Variants in RNLS observed in about 807,000 individuals in gnomAD.
RNLS encodes the protein renalase, FAD dependent amine oxidase.
In RNLS, 39 loss-of-function variants were observed where a neutral mutation model predicts 39.8. The observed-to-expected ratio is 0.98, with a 90% CI of 0.76 to 1.28. RNLS has a LOEUF of 1.28. Ranked by LOEUF, RNLS falls within the 50% of genes most tolerant of loss-of-function variation. RNLS has a pLI of 0.00. For synonymous variants in RNLS, 147 were observed against 150.7 expected (o/e 0.98, Z 0.18); for missense variants, 410 against 413.3 (o/e 0.99, Z 0.07).
the RNLS span, among the ~76,000 whole-genome samples, chr10:88,189,523 G>C: frequency 6.6e-6 from 1 of 152,146 alleles, no homozygotes. Context: ...ATGAATCAGG[G>C]AGGGAGAGAG....
At chr10:88,496,302 GATTAT>G (rs1453814668) in intron 4 of RNLS, among the ~76,000 whole-genome samples, 7 of 152,102 alleles carry the variant, frequency 4.6e-5, no homozygotes, top group African/African-American at 1.7e-4. Flanking sequence ...TCCCTCAGGG[GATTAT>G]ATTATGAGAA....
At chr10:88,413,434 C>T (rs1004115376) in intron 4 of RNLS, among the ~76,000 whole-genome samples, 2 of 152,180 alleles carry the variant, frequency 1.3e-5, no homozygotes, top group Non-Finnish European at 2.9e-5. Flanking sequence ...CAAAGGACAG[C>T]GTGTTTCCCT....
intron 4 of RNLS, among the ~76,000 whole-genome samples, chr10:88,466,271 CA>C (rs2133957759): frequency 6.6e-6 from 1 of 151,958 alleles, no homozygotes; most frequent in East Asian, 1.9e-4. Flanking sequence ...CACCAATAAG[CA>C]AAAATAAAAA....
chr10:88,205,801 G>A, the RNLS span, among the ~76,000 whole-genome samples: 11 of 152,108 alleles, frequency 7.2e-5, no homozygotes, highest in Non-Finnish European at 1.6e-4. Flanking sequence ...TCTGCTTTGA[G>A]AATATCATGT....
the RNLS span, among the ~76,000 whole-genome samples, chr10:88,190,297 G>C: frequency 6.6e-6 from 1 of 152,144 alleles, no homozygotes; most frequent in Non-Finnish European, 1.5e-5. Flanking sequence ...TGATCTTGGC[G>C]ACCTGCCTGA....
At chr10:88,466,746 A>T (rs1843230438) in intron 4 of RNLS, among the ~76,000 whole-genome samples, 1 of 152,232 alleles carries the variant, frequency 6.6e-6, no homozygotes, top group Non-Finnish European at 1.5e-5. Context: ...ACATTTGGTA[A>T]TTTAAACATT....
At chr10:88,213,537 C>T in the RNLS span, among the ~76,000 whole-genome samples, 1 of 152,078 alleles carries the variant, frequency 6.6e-6, no homozygotes, top group Non-Finnish European at 1.5e-5. Context: ...AGATATAAAA[C>T]ATCTGTCTCC....
the RNLS span, among the ~76,000 whole-genome samples, chr10:88,237,212 C>G: frequency 6.7e-6 from 1 of 148,560 alleles, no homozygotes; most frequent in African/African-American, 2.5e-5. Context: ...TATGTAGACA[C>G]TTTGAGTCCC....
the RNLS span, among the ~76,000 whole-genome samples, chr10:88,229,786 G>A: frequency 1.3e-5 from 2 of 152,098 alleles, no homozygotes; most frequent in South Asian, 4.1e-4. Flanking sequence ...TTTGTGTCTC[G>A]CTTCTTTCAT....
At chr10:88,533,027 C>A (rs1384614594) in intron 4 of RNLS, among the ~76,000 whole-genome samples, 1 of 152,032 alleles carries the variant, frequency 6.6e-6, no homozygotes, top group Non-Finnish European at 1.5e-5. Context: ...TTCTGTCATA[C>A]AATTGTTAGA....
At chr10:88,535,957 A>G (rs1349959017) in intron 4 of RNLS, among the ~76,000 whole-genome samples, 2 of 152,210 alleles carry the variant, frequency 1.3e-5, no homozygotes, top group Middle Eastern at 3.2e-3. Flanking sequence ...GATTTTGAAG[A>G]TGAAATATCC....
intron 6 of RNLS, among the ~76,000 whole-genome samples, chr10:88,291,124 CTAAG>C (rs1387368053): frequency 6.6e-6 from 1 of 152,102 alleles, no homozygotes; most frequent in Non-Finnish European, 1.5e-5. Flanking sequence ...ATGGCAAGTA[CTAAG>C]TAAGGTGAGG....
Position 88,434,673 on chromosome 10 carries a change from G to A in RNLS, c.527-71948C>T, listed in dbSNP as rs114382370. On this transcript the variant is annotated intron_variant, in intron 4 of 6. Transcript: ENST00000331772. ...TGATTATACATAAACTTAAAAGCCTGTATTAAAAATCAGAATACATATTAT... is the reference window on the plus strand; with the variant it reads ...TGATTATACATAAACTTAAAAGCCTATATTAAAAATCAGAATACATATTAT... Among the ~76,000 whole-genome samples, 485 of 152,252 alleles carry A rather than the reference G, an allele frequency of 3.2e-3. 4 individuals are homozygous for A. The highest frequency in any genetic ancestry group is 9.9e-3 in the African/African-American group (413 of 41,570).
chr10:88,344,728 T>A (rs1848193300), intron 5 of RNLS, among the ~76,000 whole-genome samples: 1 of 152,178 alleles, frequency 6.6e-6, no homozygotes, highest in African/African-American at 2.4e-5. Context: ...TCACTTGCTA[T>A]ATTTATAATA....
intron 5 of RNLS, among the ~76,000 whole-genome samples, chr10:88,318,698 A>T (rs1296970566): frequency 6.6e-6 from 1 of 152,176 alleles, no homozygotes; most frequent in African/African-American, 2.4e-5. Context: ...TAGCTGCCAA[A>T]ATGGTATATC....
At chr10:88,247,336 G>C in the RNLS span, among the ~76,000 whole-genome samples, 3 of 152,212 alleles carry the variant, frequency 2.0e-5, no homozygotes, top group Non-Finnish European at 4.4e-5. Context: ...CAGATAAGAA[G>C]AAGGCAGTCA....
chr10:88,583,258 A>G lies in RNLS; in HGVS notation c.-68T>C. ...GCCGTTCGGCCCGGGCTTTCTGGAAAGGCGGCCGAACCGGCGCTAGCGCTC... is the reference window on the plus strand; with the variant it reads ...GCCGTTCGGCCCGGGCTTTCTGGAAGGGCGGCCGAACCGGCGCTAGCGCTC... On this transcript the variant is annotated 5_prime_UTR_variant, in exon 1 of 7. Coordinates refer to ENST00000331772, the MANE Select transcript of RNLS (RefSeq NM_001031709.3). The G allele has an allele frequency of 6.3e-7, 1 of 1,590,652 alleles. No homozygotes were observed.
At chr10:88,272,876 C>T (rs1842687147), downstream of RNLS, among the ~76,000 whole-genome samples, 2 of 152,114 alleles carry the variant, frequency 1.3e-5, no homozygotes, top group Admixed American at 6.6e-5. Flanking sequence ...AACTTTGTCT[C>T]GCTGCTTTAG....
At position 88,443,022 on chromosome 10, in the gene RNLS, A is replaced by T. The variant is rs1841818565; in HGVS notation, c.527-80297T>A. On this transcript the variant is annotated intron_variant, in intron 4 of 6. Coordinates refer to ENST00000331772, the MANE Select transcript of RNLS (RefSeq NM_001031709.3). ...TCACAATTGCTCAATGACTTTAGAA[A>T]CTTCAGTCTCATTTTCCCTCTCAAC... Among the ~76,000 whole-genome samples, 3 of 152,058 alleles carry T rather than the reference A, an allele frequency of 2.0e-5. No individual in the cohort carries two copies. The South Asian group carries it at 6.2e-4, about 32-fold the overall frequency.
Sources: allele counts gnomAD v4.1 joint callset (sites outside exome capture counted in the v4.1 genomes callset), GRCh38; gene constraint gnomAD v4.1.1; transcripts MANE v1.5; gene names NCBI Gene and HGNC (gene_info 2026-07-23, HGNC 2026-07-21).